The following KIAA1217 variants were observed in gnomAD, a reference collection of about 807,000 sequenced individuals.
KIAA1217 encodes KIAA1217, also known as sickle tail protein homolog.
In KIAA1217, 88 loss-of-function variants were observed where a neutral mutation model predicts 163.9. That is an observed-to-expected ratio of 0.54 (90% CI 0.45 to 0.64). The LOEUF is 0.64. KIAA1217 is among the 30% of genes least tolerant of loss of function. The probability of loss-of-function intolerance (pLI) is 0.00; values close to 1 mark genes in which losing one functional copy is unlikely to be tolerated. For missense variants in KIAA1217, 2,372 were observed against 2,475.0 expected (o/e 0.96, Z 0.88); for synonymous variants, 903 against 923.1 (o/e 0.98, Z 0.39).
At chr10:24,500,969 A>G (rs2067497480) in intron 8 of KIAA1217, among the ~76,000 whole-genome samples, 1 of 152,148 alleles carries the variant, frequency 6.6e-6, no homozygotes, top group South Asian at 2.1e-4. Flanking sequence ...TTGGAAAAGC[A>G]CAGCTGGAGA....
chr10:24,396,600 C>A (rs1356669859), intron 3 of KIAA1217, among the ~76,000 whole-genome samples: 1 of 152,052 alleles, frequency 6.6e-6, no homozygotes, highest in Non-Finnish European at 1.5e-5. Context: ...GAGAAGGCAG[C>A]CTTCGAGCCA....
chr10:23,836,691 G>A (rs904805479), intron 1 of KIAA1217, among the ~76,000 whole-genome samples: 2 of 151,846 alleles, frequency 1.3e-5, no homozygotes, highest in Admixed American at 6.6e-5. Flanking sequence ...TTGGGAAGCC[G>A]AGGCGGGAGG....
intron 1 of KIAA1217, among the ~76,000 whole-genome samples, chr10:23,999,904 T>TA (rs555255483): frequency 1.5e-4 from 22 of 151,492 alleles, no homozygotes; most frequent in South Asian, 1.3e-3. Flanking sequence ...TACTAAAAAT[T>TA]AAAAAAAATA....
intron 2 of KIAA1217, among the ~76,000 whole-genome samples, chr10:24,015,897 T>G (rs1847460307): frequency 6.6e-6 from 1 of 152,004 alleles, no homozygotes; most frequent in Non-Finnish European, 1.5e-5. Context: ...CTCTTCCTGT[T>G]TGCGTAGGGT....
chr10:23,853,363 C>A (rs1442819979), intron 1 of KIAA1217, among the ~76,000 whole-genome samples: 1 of 152,088 alleles, frequency 6.6e-6, no homozygotes, highest in Non-Finnish European at 1.5e-5. Flanking sequence ...AGGGATGAAG[C>A]CCACTTGATC....
At chr10:24,100,275 C>T (rs866034086) in intron 2 of KIAA1217, among the ~76,000 whole-genome samples, 2 of 152,188 alleles carry the variant, frequency 1.3e-5, no homozygotes, top group Middle Eastern at 3.4e-3. Context: ...GGTTGCACAT[C>T]TGTTTCATTA....
At chr10:24,541,864 T>C (rs2075147840) in intron 17 of KIAA1217, among the ~76,000 whole-genome samples, 1 of 152,216 alleles carries the variant, frequency 6.6e-6, no homozygotes, top group South Asian at 2.1e-4. Flanking sequence ...ACCTCAAATA[T>C]CTGCTTTGTG....
At chr10:24,165,540 A>C (rs2065305633) in intron 2 of KIAA1217, among the ~76,000 whole-genome samples, 1 of 152,166 alleles carries the variant, frequency 6.6e-6, no homozygotes, top group African/African-American at 2.4e-5. Flanking sequence ...CAGAAGCAGA[A>C]CATTTTCTGT....
chr10:23,810,580 TAA>T (rs1491166243), intron 1 of KIAA1217, among the ~76,000 whole-genome samples: 1 of 128,850 alleles, frequency 7.8e-6, no homozygotes, highest in African/African-American at 2.9e-5. Context: ...AATCTATATA[TAA>T]TATATATAGT....
intron 1 of KIAA1217, among the ~76,000 whole-genome samples, chr10:23,846,507 T>A (rs35646707): frequency 0.01 from 1,556 of 152,198 alleles, 14 homozygotes; most frequent in Non-Finnish European, 0.016. Context: ...TGAATGGGAG[T>A]TCACTCATGA....
intron 2 of KIAA1217, among the ~76,000 whole-genome samples, chr10:24,071,940 G>A (rs1407969642): frequency 1.9e-4 from 29 of 152,038 alleles, no homozygotes; most frequent in Non-Finnish European, 4.3e-4. Flanking sequence ...TTTTAACTTA[G>A]TGTACAGAAT....
intron 1 of KIAA1217, among the ~76,000 whole-genome samples, chr10:23,844,658 A>T (rs948304032): frequency 3.3e-5 from 5 of 150,648 alleles, no homozygotes; most frequent in Non-Finnish European, 7.4e-5. Flanking sequence ...AGATATGCAC[A>T]TCAATGTTGG....
chr10:24,223,946 G>C (rs909187833), intron 2 of KIAA1217, among the ~76,000 whole-genome samples: 1 of 150,146 alleles, frequency 6.7e-6, no homozygotes. Flanking sequence ...AGAAGAATGA[G>C]AGCATGCCTT....
rs184993491 is a variant in KIAA1217, at chr10:23,828,515, G to A, written c.-321+133281G>A. Reference sequence around the variant, plus strand: ...GCTATCAACATTATGAGTAAAATTGGCTTTGGTAGCCTAACCTGGAGTTCT... The same window carrying A: ...GCTATCAACATTATGAGTAAAATTGACTTTGGTAGCCTAACCTGGAGTTCT... On this transcript the variant is annotated intron_variant, in intron 1 of 18. Coordinates refer to the KIAA1217 transcript ENST00000376462. Among the ~76,000 whole-genome samples, 13 of 152,180 alleles carry A rather than the reference G, an allele frequency of 8.5e-5. No homozygotes were observed. The East Asian group carries it at 2.3e-3, about 27-fold the overall frequency.
At chr10:24,115,621 T>C in intron 2 of KIAA1217, among the ~76,000 whole-genome samples, 1 of 152,218 alleles carries the variant, frequency 6.6e-6, no homozygotes, top group South Asian at 2.1e-4. Flanking sequence ...GAGACCTCTG[T>C]CTTTCTGCAG....
At chr10:24,226,607 A>T (rs1471807332) in intron 2 of KIAA1217, among the ~76,000 whole-genome samples, 1 of 151,906 alleles carries the variant, frequency 6.6e-6, no homozygotes, top group African/African-American at 2.4e-5. Context: ...GCACCACTGC[A>T]CTCCAGCCTG....
intron 2 of KIAA1217, among the ~76,000 whole-genome samples, chr10:24,099,586 T>TATATATATATATATATATATATATTA (rs1306527831): frequency 2.1e-5 from 3 of 143,442 alleles, no homozygotes; most frequent in East Asian, 2.1e-4. Flanking sequence ...TATATATATA[T>TATATATATATATATATATATATATTA]TATATATATA....
chr10:24,527,619 A>G (rs2072401481), intron 13 of KIAA1217, among the ~76,000 whole-genome samples: 1 of 152,000 alleles, frequency 6.6e-6, no homozygotes, highest in African/African-American at 2.4e-5. Flanking sequence ...AGCTATAATG[A>G]CACCACTGCA....
intron 1 of KIAA1217, among the ~76,000 whole-genome samples, chr10:23,939,202 G>A (rs537236717): frequency 3.9e-5 from 6 of 152,086 alleles, no homozygotes; most frequent in African/African-American, 1.4e-4. Flanking sequence ...AAAAGCAATT[G>A]GAACAAGTAG....
Sources: allele counts gnomAD v4.1 joint callset (sites outside exome capture counted in the v4.1 genomes callset), GRCh38; gene constraint gnomAD v4.1.1; transcripts MANE v1.5; gene names NCBI Gene and HGNC (gene_info 2026-07-23, HGNC 2026-07-21).